Variants in BTBD9 observed in about 807,000 individuals in gnomAD.
BTBD9 encodes BTB/POZ domain-containing protein 9.
In BTBD9, 49 loss-of-function variants were observed where a neutral mutation model predicts 64.3. That is an observed-to-expected ratio of 0.76 (90% CI 0.61 to 0.97). The LOEUF is 0.97. Among genes scored for constraint, BTBD9 ranks in the 50% least tolerant of loss-of-function variants. The pLI, the probability that BTBD9 is intolerant of heterozygous loss-of-function variation, is 0.00. For synonymous variants in BTBD9, 260 were observed against 274.7 expected, an observed-to-expected ratio of 0.95 and a Z score of 0.53; for missense variants, 598 against 762.1, an observed-to-expected ratio of 0.78 and a Z score of 2.53.
At position 38,174,837 on chromosome 6, in the gene BTBD9, C is replaced by G; in HGVS notation, c.*148G>C. On this transcript the variant is annotated 3_prime_UTR_variant, in exon 11 of 11. Coordinates refer to ENST00000481247, the MANE Select transcript of BTBD9 (RefSeq NM_001099272.2). ...CCCCTTTCTGTCCTTGGGAGAAAACCTGTTCGGTGTCTGCTTTTGCAGCTA... is the reference window on the plus strand; with the variant it reads ...CCCCTTTCTGTCCTTGGGAGAAAACGTGTTCGGTGTCTGCTTTTGCAGCTA... The G allele has an allele frequency of 1.1e-6, 1 of 898,278 alleles. No homozygotes were observed. Among genetic ancestry groups the G allele is most frequent in the Non-Finnish European group, 1.7e-6 (1 of 586,668 alleles). 55.6% of individuals were successfully genotyped at this position (898,278 alleles called of 1,614,324 possible).
At chr6:38,454,436 A>G (rs906654625) in intron 6 of BTBD9, among the ~76,000 whole-genome samples, 14 of 150,804 alleles carry the variant, frequency 9.3e-5, no homozygotes, top group Admixed American at 5.3e-4. Context: ...CATCATTACC[A>G]TAATTAAATA....
At chr6:38,256,212 AC>A (rs1024967347) in intron 9 of BTBD9, among the ~76,000 whole-genome samples, 196 bp downstream of exon 9, 2 of 152,026 alleles carry the variant, frequency 1.3e-5, no homozygotes, top group African/African-American at 4.8e-5. Flanking sequence ...GAATAGAGAA[AC>A]CCTGTTTGGT....
intron 6 of BTBD9, among the ~76,000 whole-genome samples, chr6:38,362,809 C>G (rs1334952529): frequency 6.6e-6 from 1 of 152,114 alleles, no homozygotes; most frequent in Admixed American, 6.5e-5. Context: ...CTTGTAAATA[C>G]AACAGAATTA....
intron 6 of BTBD9, among the ~76,000 whole-genome samples, chr6:38,521,651 G>A (rs559020806): frequency 1.3e-5 from 2 of 152,064 alleles, no homozygotes; most frequent in South Asian, 4.2e-4. Flanking sequence ...CAGGCACTAT[G>A]AATTCACTCA....
chr6:38,226,287 T>A (rs780086264), intron 9 of BTBD9, among the ~76,000 whole-genome samples: 15 of 152,090 alleles, frequency 9.9e-5, no homozygotes, highest in Non-Finnish European at 2.1e-4. Context: ...CATGGCAACA[T>A]ATGTATAAGC....
intron 7 of BTBD9, among the ~76,000 whole-genome samples, chr6:38,294,751 T>C (rs1309866664): frequency 6.6e-6 from 1 of 151,894 alleles, no homozygotes; most frequent in East Asian, 1.9e-4. Context: ...TGTATACCTA[T>C]GTAACAAACC....
intron 6 of BTBD9, among the ~76,000 whole-genome samples, chr6:38,480,951 T>C (rs1327610525): frequency 6.6e-6 from 1 of 152,224 alleles, no homozygotes; most frequent in Non-Finnish European, 1.5e-5. Context: ...CCTGGGTACC[T>C]TTGGCAATGT....
intron 10 of BTBD9, chr6:38,179,333 C>A: frequency 2.5e-6 from 1 of 404,244 alleles, no homozygotes; most frequent in Non-Finnish European, 5.0e-6. Context: ...ATTTTCAAAT[C>A]AAGAAAGATC....
intron 6 of BTBD9, among the ~76,000 whole-genome samples, chr6:38,508,819 A>C (rs936774591): frequency 6.6e-6 from 1 of 152,176 alleles, no homozygotes; most frequent in Non-Finnish European, 1.5e-5. Flanking sequence ...CCCAAATCCA[A>C]GACAGGCTTT....
intron 8 of BTBD9, among the ~76,000 whole-genome samples, chr6:38,266,736 G>T (rs780119030): frequency 9.9e-5 from 15 of 152,122 alleles, no homozygotes; most frequent in Non-Finnish European, 1.9e-4. Flanking sequence ...ATAAAAATTT[G>T]TCCAGGCCAA....
At chr6:38,628,684 C>T (rs1778254331) in intron 1 of BTBD9, among the ~76,000 whole-genome samples, 1 of 151,962 alleles carries the variant, frequency 6.6e-6, no homozygotes, top group Non-Finnish European at 1.5e-5. Flanking sequence ...TCAGTATGAA[C>T]TCATGGTTTT....
intron 6 of BTBD9, among the ~76,000 whole-genome samples, chr6:38,570,446 T>G (rs551237190): frequency 6.6e-6 from 1 of 152,180 alleles, no homozygotes; most frequent in Non-Finnish European, 1.5e-5. Flanking sequence ...ACAGGACTAT[T>G]GTAAGAATTA....
At chr6:38,314,220 G>A (rs1046952529) in intron 7 of BTBD9, among the ~76,000 whole-genome samples, 20 of 151,550 alleles carry the variant, frequency 1.3e-4, no homozygotes, top group Non-Finnish European at 2.7e-4. Flanking sequence ...TTTTGAGCTG[G>A]AGTCTCGCTC....
rs1172070887 is a variant in BTBD9, at chr6:38,374,291, ATATATG to A, written c.1155-29204_1155-29199del. On this transcript the variant is annotated intron_variant, in intron 6 of 10. Transcript: ENST00000481247. ...GTCGAAAAAAAAAAAAAGTATATAT[ATATATG>A]TATATATATGTATATATATATATAT... Among the ~76,000 whole-genome samples the A allele has an allele frequency of 7.1e-5, 5 of 70,606 alleles. 1 individual carries two copies. The highest frequency in any genetic ancestry group is 2.1e-4 in the African/African-American group (2 of 9,434). The allele number at this position is 70,606 out of a possible 152,430, so 46.3% of individuals were successfully genotyped here.
intron 9 of BTBD9, among the ~76,000 whole-genome samples, chr6:38,217,422 C>T (rs1177666706): frequency 6.6e-6 from 1 of 150,770 alleles, no homozygotes; most frequent in African/African-American, 2.4e-5. Context: ...TCAAGGGAGG[C>T]TTTAAGAATA....
chr6:38,383,842 C>T (rs1180560941), intron 6 of BTBD9, among the ~76,000 whole-genome samples: 4 of 152,142 alleles, frequency 2.6e-5, no homozygotes, highest in Non-Finnish European at 4.4e-5. Context: ...ATTCATATGT[C>T]GACATCTTAA....
At chr6:38,406,945 G>T (rs1357436434) in intron 6 of BTBD9, among the ~76,000 whole-genome samples, 2 of 152,184 alleles carry the variant, frequency 1.3e-5, no homozygotes, top group Non-Finnish European at 2.9e-5. Context: ...ACCAGTCTGA[G>T]CAGGATTCAC....
intron 1 of BTBD9, among the ~76,000 whole-genome samples, chr6:38,629,675 A>G (rs1778295183): frequency 6.6e-6 from 1 of 151,836 alleles, no homozygotes; most frequent in South Asian, 2.1e-4. Context: ...TACAAAAATT[A>G]GCTGGGTGTG....
intron 6 of BTBD9, among the ~76,000 whole-genome samples, chr6:38,424,199 C>T (rs975307567): frequency 6.6e-6 from 1 of 151,968 alleles, no homozygotes; most frequent in Non-Finnish European, 1.5e-5. Context: ...TAGGCTTTTA[C>T]TTCTCATTGC....
Sources: gnomAD v4.1 joint callset for allele counts (sites outside exome capture counted in the v4.1 genomes callset) on GRCh38, gnomAD v4.1.1 for gene constraint, MANE v1.5 for transcripts, NCBI Gene and HGNC (gene_info 2026-07-23, HGNC 2026-07-21) for gene names.